Variants in TNR observed in about 807,000 individuals in gnomAD.
The protein encoded by TNR is tenascin-R.
In TNR, 45 loss-of-function variants were observed where a neutral mutation model predicts 150.4. The ratio of observed to expected loss-of-function variants is 0.30; its 90% CI spans 0.24 to 0.38. The LOEUF (loss-of-function observed/expected upper bound fraction) is 0.38. Among genes scored for constraint, TNR ranks in the 10% least tolerant of loss-of-function variants. The pLI is 1.00. For missense variants in TNR, 1,544 were observed against 1,759.1 expected (o/e 0.88, Z 2.19); for synonymous variants, 687 against 678.4 (o/e 1.01, Z -0.20).
At chr1:175,586,403 C>T (rs6661958) in intron 1 of TNR, among the ~76,000 whole-genome samples, 6,208 of 152,230 alleles carry the variant, frequency 0.041, 188 homozygotes, top group Non-Finnish European at 0.06. Context: ...CAGGTTCAAG[C>T]GATTCTCCTG....
At chr1:175,493,043 G>A (rs138420064) in intron 2 of TNR, among the ~76,000 whole-genome samples, 155 of 152,084 alleles carry the variant, frequency 1.0e-3, no homozygotes, top group African/African-American at 3.6e-3. Context: ...TGGACTTGGC[G>A]CATTTCTCCT....
intron 2 of TNR, among the ~76,000 whole-genome samples, chr1:175,490,391 A>T (rs984763542): frequency 2.0e-5 from 3 of 152,354 alleles, no homozygotes; most frequent in Non-Finnish European, 4.4e-5. Flanking sequence ...AGTAAACTAA[A>T]GAGCTTCTGC....
At chr1:175,630,817 A>G (rs977696563) in intron 1 of TNR, among the ~76,000 whole-genome samples, 3 of 151,572 alleles carry the variant, frequency 2.0e-5, no homozygotes, top group East Asian at 3.9e-4. Flanking sequence ...TCTGCTTGCA[A>G]AAAAAAAGGA....
At chr1:175,663,733 T>C (rs1255291694) in intron 1 of TNR, among the ~76,000 whole-genome samples, 3 of 152,178 alleles carry the variant, frequency 2.0e-5, no homozygotes, top group African/African-American at 7.2e-5. Flanking sequence ...ACAGTGTGTT[T>C]AGAAGAGAAC....
chr1:175,523,077 A>G, intron 2 of TNR, among the ~76,000 whole-genome samples: 1 of 152,240 alleles, frequency 6.6e-6, no homozygotes, highest in East Asian at 1.9e-4. Context: ...CTCTTTAGAC[A>G]GCATATTTCT....
At chr1:175,402,117 C>G (rs35627767) in intron 4 of TNR, among the ~76,000 whole-genome samples, 8,065 of 151,476 alleles carry the variant, frequency 0.053, 302 homozygotes, top group Middle Eastern at 0.17. Context: ...ACCATCCTGG[C>G]TAACAAGGTG....
At chr1:175,610,256 C>A (rs866401741) in intron 1 of TNR, among the ~76,000 whole-genome samples, 24 of 152,258 alleles carry the variant, frequency 1.6e-4, no homozygotes, top group African/African-American at 5.3e-4. Flanking sequence ...AGAAATAACC[C>A]CCCTCTTTTG....
At chr1:175,564,951 C>T (rs1392071116) in intron 1 of TNR, among the ~76,000 whole-genome samples, 1 of 152,216 alleles carries the variant, frequency 6.6e-6, no homozygotes, top group Non-Finnish European at 1.5e-5. Flanking sequence ...AAATCTATCT[C>T]CTCTTTATCT....
At position 175,385,759 on chromosome 1, in the gene TNR, C is replaced by A. The variant is rs188412796; in HGVS notation, c.1777+273G>T. Among the ~76,000 whole-genome samples, 264 of 152,252 alleles carry A rather than the reference C, an allele frequency of 1.7e-3. 1 individual carries two copies. The highest frequency in any genetic ancestry group is 0.014 in the Admixed American group (218 of 15,298). On this transcript the variant is annotated intron_variant, in intron 8 of 22. Transcript: ENST00000367674. ...AACTTGTCATTTTACAAACGGGAAACCTGAGGCCCATAGTGGGGAAGGATT... is the reference window on the plus strand; with the variant it reads ...AACTTGTCATTTTACAAACGGGAAAACTGAGGCCCATAGTGGGGAAGGATT...
intron 1 of TNR, among the ~76,000 whole-genome samples, chr1:175,674,369 T>A (rs1245626092): frequency 6.6e-6 from 1 of 152,226 alleles, no homozygotes; most frequent in Non-Finnish European, 1.5e-5. Context: ...GGCGTGGAGC[T>A]GGACCCCTGG....
chr1:175,348,079 TA>T (rs1356184885), intron 18 of TNR, among the ~76,000 whole-genome samples: 1 of 152,168 alleles, frequency 6.6e-6, no homozygotes, highest in East Asian at 1.9e-4. Context: ...TGGATTGATA[TA>T]AAAAATTAAT....
At chr1:175,515,574 G>A (rs1410421562) in intron 2 of TNR, among the ~76,000 whole-genome samples, 1 of 152,204 alleles carries the variant, frequency 6.6e-6, no homozygotes, top group African/African-American at 2.4e-5. Context: ...AGAATACAGG[G>A]TGCATTCCTA....
chr1:175,335,670 C>T, intron 20 of TNR, 41 bp downstream of exon 20: 2 of 1,574,452 alleles, frequency 1.3e-6, no homozygotes, highest in East Asian at 2.2e-5. Flanking sequence ...GGACAAAAAG[C>T]CAGAGAAGCA....
At chr1:175,560,533 T>C (rs1661381928) in intron 1 of TNR, among the ~76,000 whole-genome samples, 1 of 152,246 alleles carries the variant, frequency 6.6e-6, no homozygotes, top group Non-Finnish European at 1.5e-5. Context: ...TCTGGTGGAA[T>C]ATGGAAATGG....
chr1:175,650,832 C>CCTATCCAACCTCATTACTCCTT (rs1664949232), intron 1 of TNR, among the ~76,000 whole-genome samples: 1 of 32,520 alleles, frequency 3.1e-5, no homozygotes. Context: ...CCTTACTACC[C>CCTATCCAACCTCATTACTCCTT]CTCCCCCACC....
intron 1 of TNR, among the ~76,000 whole-genome samples, chr1:175,698,964 C>G (rs1666610278): frequency 6.6e-6 from 1 of 152,178 alleles, no homozygotes; most frequent in South Asian, 2.1e-4. Flanking sequence ...AATTTGATCA[C>G]TCTGGCTGCT....
intron 1 of TNR, among the ~76,000 whole-genome samples, chr1:175,701,094 CTG>C (rs1265748450): frequency 1.3e-5 from 2 of 152,254 alleles, no homozygotes; most frequent in Non-Finnish European, 2.9e-5. Flanking sequence ...CTCAAATTCT[CTG>C]TCTTTTTATG....
At chr1:175,680,165 A>G (rs530342707) in intron 1 of TNR, among the ~76,000 whole-genome samples, 1 of 152,204 alleles carries the variant, frequency 6.6e-6, no homozygotes, top group East Asian at 1.9e-4. Context: ...GTCCCAAGAG[A>G]TCGCGATGTC....
rs397745737 is a variant in TNR at position 175,647,435 on chromosome 1, C to CAAAAAAAAAAAAAAAAAAAAAAAA, written c.-165+95790_-165+95791insTTTTTTTTTTTTTTTTTTTTTTTT. 1.3e-3 allele frequency among the ~76,000 whole-genome samples: 156 copies of CAAAAAAAAAAAAAAAAAAAAAAAA among 121,606 alleles called. 4 individuals are homozygous for CAAAAAAAAAAAAAAAAAAAAAAAA. Among genetic ancestry groups the CAAAAAAAAAAAAAAAAAAAAAAAA allele is most frequent in the African/African-American group, 4.4e-3 (144 of 32,696 alleles). 79.8% of individuals were successfully genotyped at this position (121,606 alleles called of 152,430 possible). ...AAAATACGCTTGTTACTATTCGGTG[C>CAAAAAAAAAAAAAAAAAAAAAAAA]AAAAAAAAAAAAAACCTCATTGTCT... On this transcript the variant is annotated intron_variant, in intron 1 of 22. Coordinates refer to ENST00000367674, the MANE Select transcript of TNR (RefSeq NM_003285.3).
Sources: gnomAD v4.1 joint callset for allele counts (sites outside exome capture counted in the v4.1 genomes callset) on GRCh38, gnomAD v4.1.1 for gene constraint, MANE v1.5 for transcripts, NCBI Gene and HGNC (gene_info 2026-07-23, HGNC 2026-07-21) for gene names.